The following GSX1 variants were observed in gnomAD, a reference collection of about 807,000 sequenced individuals.
GSX1 encodes the protein GS homeobox 1, also known as GS homeo box protein 1.
Under a neutral mutation model 17.7 loss-of-function variants are expected in GSX1, and 13 were observed. The ratio of observed to expected loss-of-function variants is 0.74; its 90% CI spans 0.48 to 1.17. The LOEUF is 1.17. GSX1 is among the 50% of genes most tolerant of loss of function. The pLI, the probability that GSX1 is intolerant of heterozygous loss-of-function variation, is 0.00. For synonymous variants in GSX1, 202 were observed against 176.2 expected, an observed-to-expected ratio of 1.15 and a Z score of -1.16; for missense variants, 371 against 372.1, an observed-to-expected ratio of 1.00 and a Z score of 0.02.
In GSX1 at chr13:27,793,539, C is replaced by T. The variant is rs1957079960; in HGVS notation, c.413-27C>T. The T allele has an allele frequency of 1.3e-6, 2 of 1,589,680 alleles. No homozygotes were observed. Among genetic ancestry groups the T allele is most frequent in the African/African-American group, 2.7e-5 (2 of 74,720 alleles). Reference sequence around the variant, plus strand: ...GGTCCACAGCACAGAGGTCTGATCGCTTCCTTCTCTGCTCTGCCACCTCCA... The same window carrying T: ...GGTCCACAGCACAGAGGTCTGATCGTTTCCTTCTCTGCTCTGCCACCTCCA... On this transcript the variant is annotated intron_variant, in intron 1 of 1. Transcript: ENST00000302945. This position sits in a 1 kb window ranked among gnomAD's most constrained non-coding sequence, Gnocchi z 6.2.
rs1336650064 is a variant in GSX1, at chr13:27,792,681, C to A, written c.-10C>A. On this transcript the variant is annotated 5_prime_UTR_variant, in exon 1 of 2. Coordinates refer to ENST00000302945, the MANE Select transcript of GSX1 (RefSeq NM_145657.3). ...GCGGGCTGGCTGCGGGGCGACCGCG[C>A]GCCGGGGCCATGCCGCGCTCCTTCC... 4 of 1,372,854 alleles carry A rather than the reference C, an allele frequency of 2.9e-6. No individual in the cohort carries two copies. Among genetic ancestry groups the A allele is most frequent in the East Asian group, 6.2e-5 (2 of 32,420 alleles). The allele number at this position is 1,372,854 out of a possible 1,614,324, so 85.0% of individuals were successfully genotyped here. A position where few individuals can be genotyped will look rare whatever the true frequency, so the allele number is the denominator to read the frequency against.
In GSX1 at chr13:27,792,822, T is replaced by A. The variant is rs1480599210; in HGVS notation, c.132T>A (p.Pro44=). 2.7e-6 allele frequency: 4 copies of A among 1,507,458 alleles called. No individual in the cohort carries two copies. In the African/African-American group the frequency reaches 5.8e-5, roughly 22 times the overall value. The allele number at this position is 1,507,458 out of a possible 1,614,324, so 93.4% of individuals were successfully genotyped here. A position where few individuals can be genotyped will look rare whatever the true frequency, so the allele number is the denominator to read the frequency against. ...PPPHALHGLS[P]GACHARKAGL... ...CGCACGCGCTGCACGGTCTCTCGCC[T>A]GGCGCCTGCCACGCGCGCAAGGCTG... Residue 44 remains proline (P), a synonymous_variant, in exon 1 of 2, where the codon CCT becomes CCA. Coordinates refer to ENST00000302945, the MANE Select transcript of GSX1 (RefSeq NM_145657.3).
In GSX1 at chr13:27,793,428, T is replaced by C. The variant is rs1957079066; in HGVS notation, c.413-138T>C. 1.2e-6 allele frequency: 1 copy of C among 842,288 alleles called. No homozygotes were observed. The highest frequency in any genetic ancestry group is 1.8e-6 in the Non-Finnish European group (1 of 553,694). 52.2% of individuals were successfully genotyped at this position (842,288 alleles called of 1,614,324 possible). A position where few individuals can be genotyped will look rare whatever the true frequency, so the allele number is the denominator to read the frequency against. On this transcript the variant is annotated intron_variant, in intron 1 of 1. Transcript: ENST00000302945. This position sits in a 1 kb window ranked among gnomAD's most constrained non-coding sequence, Gnocchi z 6.2. The stretch of plus-strand genomic sequence containing the variant: ...GGAGCTGGACAAGGAGCGCTCACTG[T>C]AGCTCTGCTGTGGATTGTGTTGGGG...
At position 27,793,154 on chromosome 13, in the gene GSX1, A is replaced by G. The variant is rs1957077521; in HGVS notation, c.412+52A>G. On this transcript the variant is annotated intron_variant, in intron 1 of 1. Coordinates refer to ENST00000302945, the MANE Select transcript of GSX1 (RefSeq NM_145657.3). The surrounding 1 kb of genome is among the most constrained non-coding windows in gnomAD (Gnocchi z 6.2). ...CCGGGCAGAGGTGATCCGAAGCAGG[A>G]TGGAGAGCCAGAGATGGAGGAAGAG... is the stretch of plus-strand genomic sequence containing the variant. The G allele has an allele frequency of 6.9e-7, 1 of 1,443,592 alleles. No homozygotes were observed. Among genetic ancestry groups the G allele is most frequent in the African/African-American group, 1.4e-5 (1 of 69,004 alleles). The allele number at this position is 1,443,592 out of a possible 1,614,324, so 89.4% of individuals were successfully genotyped here.
At position 27,793,507 on chromosome 13, in the gene GSX1, G is replaced by T; in HGVS notation, c.413-59G>T. ...TAGGATTCTGGCGACCGCCTACCAAGGGATTGGGTCCACAGCACAGAGGTC... is the reference window on the plus strand; with the variant it reads ...TAGGATTCTGGCGACCGCCTACCAATGGATTGGGTCCACAGCACAGAGGTC... On this transcript the variant is annotated intron_variant, in intron 1 of 1. Coordinates refer to ENST00000302945, the MANE Select transcript of GSX1 (RefSeq NM_145657.3). This position sits in a 1 kb window ranked among gnomAD's most constrained non-coding sequence, Gnocchi z 6.2. 1.3e-6 allele frequency: 2 copies of T among 1,525,668 alleles called. No individual in the cohort carries two copies. The highest frequency in any genetic ancestry group is 2.5e-5 in the South Asian group (2 of 79,050). 94.5% of individuals were successfully genotyped at this position (1,525,668 alleles called of 1,614,324 possible).
chr13:27,792,897 GC>G lies in GSX1; in HGVS notation c.213del (p.Pro73ArgfsTer88). On this transcript the variant is annotated frameshift_variant, in exon 1 of 2. Transcript: ENST00000302945. LOFTEE classifies it high-confidence loss of function. Reference sequence around the variant, plus strand: ...GCGTCACCGCCTCGCAGCTGCATGGGCCCCCCGGGCCGCCCGCGCTGCCTCT... The same window carrying G: ...GCGTCACCGCCTCGCAGCTGCATGGGCCCCCGGGCCGCCCGCGCTGCCTCT... ...LCVTASQLHG[P>X]PGPPALPLLK... is the part of the protein sequence containing the mutation. The G allele has an allele frequency of 2.6e-6, 4 of 1,524,962 alleles. No homozygotes were observed. The highest frequency in any genetic ancestry group is 2.5e-5 in the East Asian group (1 of 39,808). 94.5% of individuals were successfully genotyped at this position (1,524,962 alleles called of 1,614,324 possible).
chr13:27,792,654 G>A lies in GSX1; in HGVS notation c.-37G>A, dbSNP rs1329917724. ...AGCCGAAAGGTGCGGTGGGCGCAGA[G>A]GGCGGGCTGGCTGCGGGGCGACCGC... On this transcript the variant is annotated 5_prime_UTR_variant, in exon 1 of 2. Coordinates refer to ENST00000302945, the MANE Select transcript of GSX1 (RefSeq NM_145657.3). The A allele has an allele frequency of 1.5e-6, 2 of 1,346,224 alleles. No homozygotes were observed. 83.4% of individuals were successfully genotyped at this position (1,346,224 alleles called of 1,614,324 possible).
Position 27,793,771 on chromosome 13 carries a change from C to A in GSX1, c.618C>A (p.Gly206=). ...QNRRVKHKKE[G]KGSNHRGGGG... is the part of the protein sequence containing the mutation. ...GCCGAGTGAAGCACAAGAAGGAGGG[C>A]AAGGGCAGCAACCATCGTGGCGGCG... The change falls in exon 2 of 2, where the codon GGC becomes GGA. Residue 206 remains glycine (G), a synonymous_variant. Coordinates refer to ENST00000302945, the MANE Select transcript of GSX1 (RefSeq NM_145657.3). This position sits in a 1 kb window ranked among gnomAD's most constrained non-coding sequence, Gnocchi z 6.2. 1 of 1,614,158 alleles carries A rather than the reference C, an allele frequency of 6.2e-7. No homozygotes were observed. Among genetic ancestry groups the A allele is most frequent in the Non-Finnish European group, 8.5e-7 (1 of 1,180,016 alleles).
In GSX1 at chr13:27,793,467, A is replaced by T; in HGVS notation, c.413-99A>T. 1 of 1,181,754 alleles carries T rather than the reference A, an allele frequency of 8.5e-7. No individual in the cohort carries two copies. Among genetic ancestry groups the T allele is most frequent in the Non-Finnish European group, 1.2e-6 (1 of 839,456 alleles). 73.2% of individuals were successfully genotyped at this position (1,181,754 alleles called of 1,614,324 possible). A position where few individuals can be genotyped will look rare whatever the true frequency, so the allele number is the denominator to read the frequency against. The stretch of plus-strand genomic sequence containing the variant: ...ATTGTGTTGGGGCGAAGAGATGGGT[A>T]AGAGGTCAAAGTCGTAGGATTCTGG... On this transcript the variant is annotated intron_variant, in intron 1 of 1. Transcript: ENST00000302945. The surrounding 1 kb of genome is among the most constrained non-coding windows in gnomAD (Gnocchi z 6.2).
chr13:27,794,025 C>G lies in GSX1; in HGVS notation c.*77C>G. On this transcript the variant is annotated 3_prime_UTR_variant, in exon 2 of 2. Coordinates refer to ENST00000302945, the MANE Select transcript of GSX1 (RefSeq NM_145657.3). The stretch of plus-strand genomic sequence containing the variant: ...CTAGTCCTGGGACTCAGCGCTGATT[C>G]CCAGGCACCCGCAGCCAAACCACTG... The G allele has an allele frequency of 6.9e-7, 1 of 1,447,590 alleles. No homozygotes were observed. The highest frequency in any genetic ancestry group is 9.2e-7 in the Non-Finnish European group (1 of 1,082,980). 89.7% of individuals were successfully genotyped at this position (1,447,590 alleles called of 1,614,324 possible). A position where few individuals can be genotyped will look rare whatever the true frequency, so the allele number is the denominator to read the frequency against.
In GSX1 at chr13:27,792,549, C is replaced by A; in HGVS notation, c.-142C>A. On this transcript the variant is annotated 5_prime_UTR_variant, in exon 1 of 2. Transcript: ENST00000302945. The stretch of plus-strand genomic sequence containing the variant: ...CCCACGGCAGCAGAGGCTACTGTTT[C>A]AGCCTAGGTCTCAGCCGCGCGTTCA... The A allele has an allele frequency of 1.5e-6, 1 of 685,226 alleles. No homozygotes were observed. Among genetic ancestry groups the A allele is most frequent in the Non-Finnish European group, 2.2e-6 (1 of 464,416 alleles). 42.4% of individuals were successfully genotyped at this position (685,226 alleles called of 1,614,324 possible). A position where few individuals can be genotyped will look rare whatever the true frequency, so the allele number is the denominator to read the frequency against.
chr13:27,793,063 C>T lies in GSX1; in HGVS notation c.373C>T (p.Pro125Ser), dbSNP rs1237454504. Residue 125 changes from proline to serine, a missense_variant, in exon 1 of 2, where the codon CCG becomes TCG. Pro to Ser is a moderately conservative substitution (Grantham distance 74). Transcript: ENST00000302945. This position sits in a 1 kb window ranked among gnomAD's most constrained non-coding sequence, Gnocchi z 6.2. ...AAAALYQTSYPLPDPRQFHCI... is the reference protein window; with the variant it reads ...AAAALYQTSYSLPDPRQFHCI... ...CGCCGCGCTCTACCAGACCTCCTAC[C>T]CGCTGCCTGACCCCAGGCAGTTCCA... 2.5e-6 allele frequency: 4 copies of T among 1,582,246 alleles called. No homozygotes were observed. The highest frequency in any genetic ancestry group is 3.4e-6 in the Non-Finnish European group (4 of 1,171,336).
rs1331921368 is a variant in GSX1 at position 27,792,637 on chromosome 13, G to A, written c.-54G>A. ...AGGGAAAGCGCGTGGAGAGCCGAAA[G>A]GTGCGGTGGGCGCAGAGGGCGGGCT... On this transcript the variant is annotated 5_prime_UTR_variant, in exon 1 of 2. Coordinates refer to ENST00000302945, the MANE Select transcript of GSX1 (RefSeq NM_145657.3). 3.0e-6 allele frequency: 4 copies of A among 1,318,312 alleles called. No homozygotes were observed. Among genetic ancestry groups the A allele is most frequent in the African/African-American group, 1.6e-5 (1 of 64,450 alleles). The allele number at this position is 1,318,312 out of a possible 1,614,324, so 81.7% of individuals were successfully genotyped here.
In GSX1 at chr13:27,793,860, C is replaced by A. The variant is rs761870869; in HGVS notation, c.707C>A (p.Ser236Ter). 2.5e-6 allele frequency: 4 copies of A among 1,606,158 alleles called. No individual in the cohort carries two copies. Among genetic ancestry groups the A allele is most frequent in the Non-Finnish European group, 3.4e-6 (4 of 1,175,146 alleles). Reference protein sequence around the residue: ...PQGCKCASLSSAKCSEDDDEL... With the variant: ...PQGCKCASLS ...GGCTGCAAGTGCGCATCGCTCTCCT[C>A]AGCCAAGTGCTCCGAGGATGACGAC... The change falls in exon 2 of 2, where the codon TCA (serine) becomes TAA (stop). Residue 236 changes from serine to a stop codon, truncating the protein, a stop_gained. Transcript: ENST00000302945. LOFTEE classifies it high-confidence loss of function. This position sits in a 1 kb window ranked among gnomAD's most constrained non-coding sequence, Gnocchi z 6.2.
rs541577803 is a variant in GSX1, at chr13:27,794,294, G to C, written c.*346G>C. The C allele has an allele frequency of 1.3e-4, 31 of 232,856 alleles. No individual in the cohort carries two copies. Among genetic ancestry groups the C allele is most frequent in the Non-Finnish European group, 2.2e-4 (27 of 121,036 alleles). 14.4% of individuals were successfully genotyped at this position (232,856 alleles called of 1,614,324 possible). A position where few individuals can be genotyped will look rare whatever the true frequency, so the allele number is the denominator to read the frequency against. On this transcript the variant is annotated 3_prime_UTR_variant, in exon 2 of 2. Transcript: ENST00000302945. ...GCGCCTCCTAGCCCGCCCTCTCTGG[G>C]CTGGCTTGGGCTTCCTCGCTTACTC...
Position 27,793,104 on chromosome 13 carries a change from T to C in GSX1, c.412+2T>C, listed in dbSNP as rs1161111763. On this transcript the variant is annotated splice_donor_variant, in intron 1 of 1. Coordinates refer to ENST00000302945, the MANE Select transcript of GSX1 (RefSeq NM_145657.3). LOFTEE classifies it high-confidence loss of function. The surrounding 1 kb of genome is among the most constrained non-coding windows in gnomAD (Gnocchi z 6.2). ...GGCAGTTCCACTGCATCTCTGTGGGTAAGCGGGGCCGCCGCGCAGAGGGAC... is the reference window on the plus strand; with the variant it reads ...GGCAGTTCCACTGCATCTCTGTGGGCAAGCGGGGCCGCCGCGCAGAGGGAC... 6.5e-7 allele frequency: 1 copy of C among 1,532,766 alleles called. No individual in the cohort carries two copies. The highest frequency in any genetic ancestry group is 1.2e-5 in the South Asian group (1 of 82,820). The allele number at this position is 1,532,766 out of a possible 1,614,324, so 94.9% of individuals were successfully genotyped here.
In GSX1 at chr13:27,793,393, T is replaced by C. The variant is rs1957078833; in HGVS notation, c.413-173T>C. 6.6e-6 allele frequency among the ~76,000 whole-genome samples: 1 copy of C among 151,952 alleles called. No individual in the cohort carries two copies. Among genetic ancestry groups the C allele is most frequent in the African/African-American group, 2.4e-5 (1 of 41,376 alleles). On this transcript the variant is annotated intron_variant, in intron 1 of 1. Coordinates refer to ENST00000302945, the MANE Select transcript of GSX1 (RefSeq NM_145657.3). This position sits in a 1 kb window ranked among gnomAD's most constrained non-coding sequence, Gnocchi z 6.2. ...CCAGGGCTGCATGACTCCGGGAGAA[T>C]CAGGATCTCGGAGCTGGACAAGGAG... is the stretch of plus-strand genomic sequence containing the variant.
Position 27,792,801 on chromosome 13 carries a change from C to A in GSX1, c.111C>A (p.His37Gln), listed in dbSNP as rs775809436. ...PLFPYAVPPP[H>Q]ALHGLSPGAC... The stretch of plus-strand genomic sequence containing the variant: ...TCCCCTACGCTGTGCCCCCGCCGCA[C>A]GCGCTGCACGGTCTCTCGCCTGGCG... Residue 37 changes from histidine (H) to glutamine (Q), a missense_variant, in exon 1 of 2, where the codon CAC (histidine) becomes CAA (glutamine). Coordinates refer to ENST00000302945, the MANE Select transcript of GSX1 (RefSeq NM_145657.3). The A allele has an allele frequency of 9.8e-5, 147 of 1,501,654 alleles. 1 individual carries two copies. The highest frequency in any genetic ancestry group is 3.6e-4 in the Admixed American group (17 of 46,994). 93.0% of individuals were successfully genotyped at this position (1,501,654 alleles called of 1,614,324 possible).
At position 27,792,512 on chromosome 13, in the gene GSX1, C is replaced by T; in HGVS notation, c.-179C>T. The T allele has an allele frequency of 1.8e-6, 1 of 556,416 alleles. No individual in the cohort carries two copies. Among genetic ancestry groups the T allele is most frequent in the Non-Finnish European group, 2.8e-6 (1 of 352,108 alleles). 34.5% of individuals were successfully genotyped at this position (556,416 alleles called of 1,614,324 possible). On this transcript the variant is annotated 5_prime_UTR_variant, in exon 1 of 2. Coordinates refer to ENST00000302945, the MANE Select transcript of GSX1 (RefSeq NM_145657.3). ...CTAGCGCTGGCCAGCACCCCGCGCT[C>T]TTTGGGCGGTGCCCACGGCAGCAGA...
Sources: gnomAD v4.1 joint callset for allele counts (sites outside exome capture counted in the v4.1 genomes callset) on GRCh38, gnomAD v4.1.1 for gene constraint, Gnocchi (gnomAD v3.1) non-coding constraint, MANE v1.5 for transcripts, NCBI Gene and HGNC (gene_info 2026-07-23, HGNC 2026-07-21) for gene names.